The following CNOT4 variants were observed in gnomAD, a reference collection of about 807,000 sequenced individuals.
CNOT4 encodes CCR4-associated factor 4.
CNOT4 carries 8 observed loss-of-function variants against 73.8 expected under a neutral mutation model. That is an observed-to-expected ratio of 0.11 (90% CI 0.06 to 0.20). The LOEUF (loss-of-function observed/expected upper bound fraction) is 0.20, where lower values mean the gene tolerates loss of function less well. Among genes scored for constraint, CNOT4 ranks in the 10% least tolerant of loss-of-function variants. The pLI is 1.00. For missense variants in CNOT4, 564 were observed against 883.4 expected, an observed-to-expected ratio of 0.64 and a Z score of 4.58; for synonymous variants, 293 against 321.1, an observed-to-expected ratio of 0.91 and a Z score of 0.94.
Position 135,398,222 on chromosome 7 carries a change from T to C in CNOT4, c.826A>G (p.Ile276Val), listed in dbSNP as rs1453058912. ...VTPLQRYDTP[I>V]DKPSDSLSIG... ...CTGAGAGAATCTGAAGGTTTGTCAATGGGGCTATAAAAAGAAAACAAATTG... is the reference window on the plus strand; with the variant it reads ...CTGAGAGAATCTGAAGGTTTGTCAACGGGGCTATAAAAAGAAAACAAATTG... The change falls in exon 8 of 12, where the codon ATT becomes GTT. Residue 276 changes from isoleucine (I) to valine (V), a missense_variant. Around this residue, in one of 10 missense-constraint regions of CNOT4, gnomAD observed 135 missense variants for 154.0 expected, o/e 0.88. Transcript: ENST00000541284. The C allele has an allele frequency of 2.6e-6, 4 of 1,516,094 alleles. No homozygotes were observed. The highest frequency in any genetic ancestry group is 3.7e-6 in the Non-Finnish European group (4 of 1,092,288). 93.9% of individuals were successfully genotyped at this position (1,516,094 alleles called of 1,614,324 possible).
intron 1 of CNOT4, among the ~76,000 whole-genome samples, chr7:135,457,452 G>T (rs964738728): frequency 6.6e-6 from 1 of 151,962 alleles, no homozygotes; most frequent in Non-Finnish European, 1.5e-5. Flanking sequence ...ACAGTATCTC[G>T]CATTGTAAGG....
intron 1 of CNOT4, among the ~76,000 whole-genome samples, chr7:135,472,857 C>T (rs1430756742): frequency 2.0e-5 from 3 of 151,690 alleles, no homozygotes; most frequent in African/African-American, 7.3e-5. Flanking sequence ...CTGGGAAACA[C>T]AGGGAGACCC....
intron 2 of CNOT4, 21 bp from the exon 3 acceptor site, chr7:135,422,374 T>TA: frequency 8.9e-7 from 1 of 1,121,300 alleles, no homozygotes; most frequent in Non-Finnish European, 1.4e-6. Flanking sequence ...GAAACAAACA[T>TA]AGACGTTAGC....
intron 1 of CNOT4, among the ~76,000 whole-genome samples, chr7:135,441,801 T>TA (rs1406947287): frequency 2.0e-5 from 3 of 152,200 alleles, no homozygotes; most frequent in Non-Finnish European, 4.4e-5. Context: ...TTTTTAATTT[T>TA]AAAAAAGTTT....
Position 135,364,714 on chromosome 7 carries a change from T to C in CNOT4, c.1628-648A>G, listed in dbSNP as rs576178968. The stretch of plus-strand genomic sequence containing the variant: ...GGAATAATTTCCAACACAGTCTGCC[T>C]GCTCTACTCCAACAGTTCTACCAAT... On this transcript the variant is annotated intron_variant, in intron 10 of 11. Transcript: ENST00000541284. The surrounding 1 kb of genome is among the most constrained non-coding windows in gnomAD (Gnocchi z 4.3). 2.0e-5 allele frequency among the ~76,000 whole-genome samples: 3 copies of C among 152,350 alleles called. No homozygotes were observed. The highest frequency in any genetic ancestry group is 7.2e-5 in the African/African-American group (3 of 41,568).
intron 1 of CNOT4, among the ~76,000 whole-genome samples, chr7:135,503,047 G>A (rs1804102541): frequency 6.6e-6 from 1 of 151,812 alleles, no homozygotes; most frequent in Non-Finnish European, 1.5e-5. Flanking sequence ...TAGCTACTTG[G>A]GAGACTGAGG....
At chr7:135,457,068 T>C (rs1292501117) in intron 1 of CNOT4, among the ~76,000 whole-genome samples, 3 of 151,984 alleles carry the variant, frequency 2.0e-5, no homozygotes, top group Non-Finnish European at 4.4e-5. Flanking sequence ...ACTAGCAACA[T>C]GCAATGGAAA....
intron 3 of CNOT4, among the ~76,000 whole-genome samples, chr7:135,417,041 G>C (rs1797912233): frequency 6.6e-6 from 1 of 152,238 alleles, no homozygotes; most frequent in South Asian, 2.1e-4. Context: ...TCACATTATT[G>C]ATGTTTCATG....
At chr7:135,484,973 T>C (rs1802623354) in intron 1 of CNOT4, among the ~76,000 whole-genome samples, 1 of 152,210 alleles carries the variant, frequency 6.6e-6, no homozygotes, top group African/African-American at 2.4e-5. Flanking sequence ...AGACTTACTA[T>C]GTTCATTGAC....
At position 135,438,367 on chromosome 7, in the gene CNOT4, T is replaced by C. The variant is rs766530190; in HGVS notation, c.-36A>G. 1.3e-6 allele frequency: 2 copies of C among 1,547,962 alleles called. No homozygotes were observed. Among genetic ancestry groups the C allele is most frequent in the Non-Finnish European group, 1.7e-6 (2 of 1,144,322 alleles). Reference sequence around the variant, plus strand: ...ATTAAACAGCAGCAAAAGTTTATAATAATTTAAGGGAGAAGGAAGTTCAGC... The same window carrying C: ...ATTAAACAGCAGCAAAAGTTTATAACAATTTAAGGGAGAAGGAAGTTCAGC... On this transcript the variant is annotated 5_prime_UTR_variant, in exon 2 of 12. Transcript: ENST00000541284.
chr7:135,381,798 A>G (rs1795860554), intron 10 of CNOT4, among the ~76,000 whole-genome samples: 1 of 152,250 alleles, frequency 6.6e-6, no homozygotes. Flanking sequence ...CCGCTATAAA[A>G]AAGAAAGAAA....
intron 1 of CNOT4, among the ~76,000 whole-genome samples, chr7:135,442,805 C>A (rs1195858606): frequency 1.3e-5 from 2 of 152,042 alleles, no homozygotes; most frequent in Non-Finnish European, 2.9e-5. Context: ...CACCTGTAAT[C>A]CCAGCACCTT....
rs974422217 is a variant in CNOT4, at chr7:135,394,046, C to G, written c.1499G>C (p.Trp500Ser). ...GATGCTATTGCGTGGAAAGGCCATC[C>G]AAGGATAGCGGGCTGCCTGGCCTGG... ...SFPGQAARYP[W>S]MAFPRNSIMH... Residue 500 changes from tryptophan to serine, a missense_variant, in exon 10 of 12, where the codon TGG (tryptophan) becomes TCG (serine). Trp to Ser is a radical substitution (Grantham distance 177). Transcript: ENST00000541284. 1 of 1,614,114 alleles carries G rather than the reference C, an allele frequency of 6.2e-7. No individual in the cohort carries two copies. Among genetic ancestry groups the G allele is most frequent in the East Asian group, 2.2e-5 (1 of 44,882 alleles).
intron 1 of CNOT4, among the ~76,000 whole-genome samples, chr7:135,449,472 C>A (rs935496539): frequency 6.6e-6 from 1 of 152,092 alleles, no homozygotes; most frequent in African/African-American, 2.4e-5. Flanking sequence ...GTACAACATA[C>A]CCAAATGTGA....
chr7:135,501,522 T>C (rs937955931), intron 1 of CNOT4, among the ~76,000 whole-genome samples: 3 of 152,184 alleles, frequency 2.0e-5, no homozygotes, highest in African/African-American at 7.2e-5. Flanking sequence ...GAATAGCTCC[T>C]TACCTCAGTG....
At chr7:135,472,473 ACT>A (rs1169616442) in intron 1 of CNOT4, among the ~76,000 whole-genome samples, 1 of 57,436 alleles carries the variant, frequency 1.7e-5, no homozygotes, top group Admixed American at 2.6e-4. Context: ...CGAGACACCG[ACT>A]CAAAAAAAAA....
intron 1 of CNOT4, among the ~76,000 whole-genome samples, chr7:135,481,534 T>C (rs180862248): frequency 1.4e-4 from 21 of 152,302 alleles, no homozygotes; most frequent in African/African-American, 5.1e-4. Flanking sequence ...AAAAACAGTA[T>C]GGAGAATTCT....
intron 3 of CNOT4, among the ~76,000 whole-genome samples, chr7:135,417,683 A>G (rs1797945158): frequency 6.6e-6 from 1 of 152,180 alleles, no homozygotes; most frequent in Non-Finnish European, 1.5e-5. Flanking sequence ...AAGAACATTC[A>G]AAAGTTTTCC....
intron 1 of CNOT4, among the ~76,000 whole-genome samples, chr7:135,447,436 C>G (rs2129485746): frequency 6.6e-6 from 1 of 152,300 alleles, no homozygotes. Flanking sequence ...AGAAATCTAT[C>G]TACCTGACAA....
Sources: allele counts gnomAD v4.1 joint callset (sites outside exome capture counted in the v4.1 genomes callset), GRCh38; gene constraint gnomAD v4.1.1; regional missense constraint gnomAD v4.1.1; non-coding constraint Gnocchi (gnomAD v3.1); transcripts MANE v1.5; gene names NCBI Gene and HGNC (gene_info 2026-07-23, HGNC 2026-07-21).